The following MYO16 variants were observed in gnomAD, a reference collection of about 807,000 sequenced individuals.
MYO16 encodes the protein unconventional myosin-XVI.
A neutral mutation model predicts 205.3 loss-of-function variants in MYO16; 94 were observed. The ratio of observed to expected loss-of-function variants is 0.46; its 90% CI spans 0.39 to 0.54. The LOEUF (loss-of-function observed/expected upper bound fraction) is 0.54, where lower values mean the gene tolerates loss of function less well. Among genes scored for constraint, MYO16 ranks in the 20% least tolerant of loss-of-function variants. MYO16 has a pLI of 0.00. For synonymous variants in MYO16, 988 were observed against 954.0 expected, an observed-to-expected ratio of 1.04 and a Z score of -0.66; for missense variants, 2,315 against 2,387.5, an observed-to-expected ratio of 0.97 and a Z score of 0.63.
intron 1 of MYO16, among the ~76,000 whole-genome samples, chr13:108,639,851 A>G (rs1880422080): frequency 6.6e-6 from 1 of 152,184 alleles, no homozygotes. Flanking sequence ...CCAGGACCTT[A>G]AGGCCTTGGG....
chr13:109,164,133 G>C (rs1409371992), intron 32 of MYO16: 1 of 152,270 alleles, frequency 6.6e-6, no homozygotes, highest in Non-Finnish European at 1.5e-5. Flanking sequence ...GGTGGTGATG[G>C]GGGGATGTCT....
chr13:108,584,242 G>A, the MYO16 span, among the ~76,000 whole-genome samples: 20 of 152,102 alleles, frequency 1.3e-4, no homozygotes, highest in African/African-American at 3.1e-4. Flanking sequence ...ATGAGGCACC[G>A]CACCCAGCCT....
At chr13:108,529,833 G>A in the MYO16 span, among the ~76,000 whole-genome samples, 3 of 152,150 alleles carry the variant, frequency 2.0e-5, no homozygotes, top group Non-Finnish European at 4.4e-5. Context: ...CAATTTTATT[G>A]TGACTTCAGC....
chr13:108,625,571 A>C (rs1184547079), upstream of MYO16, among the ~76,000 whole-genome samples: 2 of 152,160 alleles, frequency 1.3e-5, no homozygotes, highest in Non-Finnish European at 2.9e-5. Context: ...TTTGTGATAG[A>C]GGAAATTATA....
intron 9 of MYO16, among the ~76,000 whole-genome samples, chr13:108,837,331 C>A (rs1030291690): frequency 1.3e-5 from 2 of 152,176 alleles, no homozygotes; most frequent in Admixed American, 1.3e-4. Flanking sequence ...AATTAAACCT[C>A]TTTCCTTTAT....
At chr13:109,196,835 T>G (rs1300151335) in intron 34 of MYO16, among the ~76,000 whole-genome samples, 1 of 152,224 alleles carries the variant, frequency 6.6e-6, no homozygotes, top group Admixed American at 6.5e-5. Flanking sequence ...CTTTCAGCTC[T>G]CTTTTGAATG....
At chr13:108,988,080 T>G (rs1884699203) in intron 20 of MYO16, among the ~76,000 whole-genome samples, 1 of 152,210 alleles carries the variant, frequency 6.6e-6, no homozygotes, top group Non-Finnish European at 1.5e-5. Flanking sequence ...CTGAAACAGA[T>G]CATCTAATTC....
At chr13:109,170,470 G>GGA (rs1878880479) in intron 33 of MYO16, among the ~76,000 whole-genome samples, 1 of 151,994 alleles carries the variant, frequency 6.6e-6, no homozygotes, top group Non-Finnish European at 1.5e-5. Context: ...GATGACTACA[G>GGA]GAGCTTCCGC....
intron 20 of MYO16, among the ~76,000 whole-genome samples, chr13:108,991,308 C>T (rs997731646): frequency 9.9e-5 from 15 of 152,074 alleles, no homozygotes; most frequent in Non-Finnish European, 2.2e-4. Flanking sequence ...TGGGCTCAGA[C>T]ATTTGAGATT....
intron 3 of MYO16, among the ~76,000 whole-genome samples, chr13:108,721,386 T>C (rs921496656): frequency 5.9e-5 from 9 of 152,040 alleles, no homozygotes; most frequent in African/African-American, 2.2e-4. Context: ...AAACCAGAGG[T>C]GTGGATAAAG....
chr13:108,790,175 A>G (rs1267741899), intron 5 of MYO16, among the ~76,000 whole-genome samples: 1 of 152,208 alleles, frequency 6.6e-6, no homozygotes, highest in Non-Finnish European at 1.5e-5. Flanking sequence ...TAAAACCATC[A>G]CAATAGCGGC....
intron 12 of MYO16, among the ~76,000 whole-genome samples, chr13:108,876,956 G>A (rs886298955): frequency 5.3e-5 from 8 of 152,138 alleles, no homozygotes; most frequent in East Asian, 3.9e-4. Context: ...GTGAGTCACC[G>A]CGCCCAGCCA....
At chr13:108,556,621 A>T in the MYO16 span, among the ~76,000 whole-genome samples, 1 of 152,176 alleles carries the variant, frequency 6.6e-6, no homozygotes, top group Non-Finnish European at 1.5e-5. Context: ...TTCTATGAAG[A>T]AGTATTTTAA....
At chr13:108,539,257 C>G in the MYO16 span, among the ~76,000 whole-genome samples, 1 of 152,084 alleles carries the variant, frequency 6.6e-6, no homozygotes, top group Non-Finnish European at 1.5e-5. Flanking sequence ...TATTCAATAT[C>G]TGCTTTGCAG....
intron 4 of MYO16, among the ~76,000 whole-genome samples, 190 bp downstream of exon 4, chr13:108,727,773 T>G (rs1884392155): frequency 6.6e-6 from 1 of 152,254 alleles, no homozygotes; most frequent in African/African-American, 2.4e-5. Context: ...TAAAACAATT[T>G]GTGCAGATAC....
At chr13:109,031,433 C>G (rs1176518381) in intron 23 of MYO16, among the ~76,000 whole-genome samples, 1 of 152,148 alleles carries the variant, frequency 6.6e-6, no homozygotes, top group Non-Finnish European at 1.5e-5. Flanking sequence ...TCTCTGATAA[C>G]TCTCTTCAAA....
intron 27 of MYO16, among the ~76,000 whole-genome samples, chr13:109,075,613 A>G (rs765139466): frequency 6.6e-6 from 1 of 151,950 alleles, no homozygotes; most frequent in Non-Finnish European, 1.5e-5. Flanking sequence ...TGACCTCGTG[A>G]TCTGCCTGCC....
intron 12 of MYO16, among the ~76,000 whole-genome samples, chr13:108,867,845 G>A (rs1186494891): frequency 1.3e-5 from 2 of 152,104 alleles, no homozygotes; most frequent in Non-Finnish European, 2.9e-5. Context: ...CCAAAAGACA[G>A]TACAATTCCA....
At chr13:108,697,282 G>C (rs942101554) in intron 2 of MYO16, among the ~76,000 whole-genome samples, 2 of 152,144 alleles carry the variant, frequency 1.3e-5, no homozygotes, top group African/African-American at 4.8e-5. Context: ...CTCTCTTGCT[G>C]CTAGATGCCC....
Sources: gnomAD v4.1 joint callset for allele counts (sites outside exome capture counted in the v4.1 genomes callset) on GRCh38, gnomAD v4.1.1 for gene constraint, MANE v1.5 for transcripts, NCBI Gene and HGNC (gene_info 2026-07-23, HGNC 2026-07-21) for gene names.